The following MRPL39 variants were observed in gnomAD, a reference collection of about 807,000 sequenced individuals.
The protein encoded by MRPL39 is mitochondrial ribosomal protein L39.
Under a neutral mutation model 44.5 loss-of-function variants are expected in MRPL39, and 35 were observed. That is an observed-to-expected ratio of 0.79 (90% confidence interval 0.60 to 1.04). MRPL39 has a LOEUF of 1.04. MRPL39 is among the 50% of genes least tolerant of loss of function. The probability of loss-of-function intolerance (pLI) is 0.00; values close to 1 mark genes in which losing one functional copy is unlikely to be tolerated. For missense variants in MRPL39, 433 were observed against 413.5 expected (o/e 1.05, Z -0.41); for synonymous variants, 139 against 136.1 (o/e 1.02, Z -0.15).
chr21:25,606,507 G>C lies in MRPL39; in HGVS notation c.222C>G (p.Asp74Glu), dbSNP rs777753931. The change falls in exon 2 of 10, where the codon GAC becomes GAG. Residue 74 changes from aspartate (D) to glutamate (E), a missense_variant. By Grantham distance (45) the Asp-to-Glu change is conservative (BLOSUM62 2). Transcript: ENST00000352957. Reference sequence around the variant, plus strand: ...TATTCATCACGAAGACAGTACCGGGGTCAGTTTTCCCAACATGCTTAACTT... The same window carrying C: ...TATTCATCACGAAGACAGTACCGGGCTCAGTTTTCCCAACATGCTTAACTT... ...KIEVKHVGKTDPGTVFVMNKN... is the reference protein window; with the variant it reads ...KIEVKHVGKTEPGTVFVMNKN... 1 of 1,614,032 alleles carries C rather than the reference G, an allele frequency of 6.2e-7. No individual in the cohort carries two copies. The highest frequency in any genetic ancestry group is 1.1e-5 in the South Asian group (1 of 91,048).
intron 6 of MRPL39, among the ~76,000 whole-genome samples, chr21:25,595,142 TA>T (rs1237882288): frequency 6.6e-6 from 1 of 152,242 alleles, no homozygotes; most frequent in African/African-American, 2.4e-5. Context: ...CTCAGGGTGC[TA>T]AACAAGTAAT....
chr21:25,606,716 G>A, intron 1 of MRPL39, 61 bp from the exon 2 acceptor site: 3 of 1,341,370 alleles, frequency 2.2e-6, no homozygotes, highest in Non-Finnish European at 3.1e-6. Flanking sequence ...TGCCAAAAGT[G>A]CGCTCAGAGG....
intron 9 of MRPL39, chr21:25,587,687 T>G: frequency 6.4e-7 from 1 of 1,562,394 alleles, no homozygotes; most frequent in Non-Finnish European, 8.8e-7. Flanking sequence ...GAATAATTAT[T>G]TGTTAGAGAT....
rs2031710133 is a variant in MRPL39 at position 25,607,276 on chromosome 21, G to C, written c.73+127C>G. On this transcript the variant is annotated intron_variant, in intron 1 of 9. Coordinates refer to ENST00000352957, the MANE Select transcript of MRPL39 (RefSeq NM_017446.4). ...CAAGCTGTGCAAGAGCGACCGCCGC[G>C]GAGGGACTAAGAAACCCTCCTCCTT... is the stretch of plus-strand genomic sequence containing the variant. 3 of 998,126 alleles carry C rather than the reference G, an allele frequency of 3.0e-6. No homozygotes were observed. The Admixed American group carries it at 6.5e-5, about 22-fold the overall frequency. 61.8% of individuals were successfully genotyped at this position (998,126 alleles called of 1,614,324 possible). A position where few individuals can be genotyped will look rare whatever the true frequency, so the allele number is the denominator to read the frequency against.
At chr21:25,592,693 T>C (rs1029326323) in intron 8 of MRPL39, 119 bp downstream of exon 8, 1 of 696,286 alleles carries the variant, frequency 1.4e-6, no homozygotes, top group Non-Finnish European at 2.1e-6. Flanking sequence ...TTATAAAATA[T>C]TAGTGTCACA....
intron 9 of MRPL39, among the ~76,000 whole-genome samples, 164 bp from the exon 10 acceptor site, chr21:25,585,918 A>G (rs1487627600): frequency 1.3e-5 from 2 of 152,206 alleles, no homozygotes; most frequent in Non-Finnish European, 2.9e-5. Flanking sequence ...AAGGCCAAGT[A>G]ACCAATATAA....
At chr21:25,603,333 C>T (rs1227662356) in intron 3 of MRPL39, among the ~76,000 whole-genome samples, 1 of 152,014 alleles carries the variant, frequency 6.6e-6, no homozygotes, top group African/African-American at 2.4e-5. Context: ...TAGGCAAGTT[C>T]TTTAGGTTTA....
At chr21:25,600,395 T>A (rs1271158220) in intron 4 of MRPL39, among the ~76,000 whole-genome samples, 2 of 78,572 alleles carry the variant, frequency 2.5e-5, no homozygotes, top group Non-Finnish European at 4.8e-5. Flanking sequence ...GACTCCGTCT[T>A]AAAAAAAAAA....
chr21:25,585,782 C>T (rs755603521), intron 9 of MRPL39, 28 bp from the exon 10 acceptor site: 2 of 1,524,612 alleles, frequency 1.3e-6, no homozygotes. Flanking sequence ...GCTTTACTTT[C>T]CTAATAAACA....
At chr21:25,603,660 G>A (rs2031582982) in intron 3 of MRPL39, 136 bp downstream of exon 3, 1 of 918,104 alleles carries the variant, frequency 1.1e-6, no homozygotes, top group Non-Finnish European at 1.6e-6. Context: ...AATCTAACAG[G>A]TAAAACATTG....
upstream of MRPL39, chr21:25,607,546 G>A (rs1473505709): frequency 6.6e-7 from 1 of 1,505,838 alleles, no homozygotes; most frequent in African/African-American, 1.4e-5. Context: ...CGCGCACTCG[G>A]AGTTCCGCAG....
intron 8 of MRPL39, among the ~76,000 whole-genome samples, chr21:25,590,416 A>C (rs2031139272): frequency 6.6e-6 from 1 of 151,974 alleles, no homozygotes; most frequent in Admixed American, 6.5e-5. Context: ...AAACCTCATA[A>C]TGTTTTAAGA....
intron 2 of MRPL39, 143 bp downstream of exon 2, chr21:25,606,306 G>A: frequency 1.5e-6 from 1 of 650,038 alleles, no homozygotes; most frequent in Non-Finnish European, 2.5e-6. Flanking sequence ...TCACCATGCA[G>A]GTCTCAAGAA....
chr21:25,605,039 C>T (rs951877679), intron 2 of MRPL39, among the ~76,000 whole-genome samples: 2 of 152,130 alleles, frequency 1.3e-5, no homozygotes, highest in African/African-American at 4.8e-5. Context: ...TACTTGAAAA[C>T]CAAATGAGTA....
chr21:25,603,303 G>A (rs1289765567), intron 3 of MRPL39, among the ~76,000 whole-genome samples: 1 of 152,166 alleles, frequency 6.6e-6, no homozygotes, highest in Non-Finnish European at 1.5e-5. Context: ...GGCCTGGAAA[G>A]CTATGTGAAT....
intron 8 of MRPL39, among the ~76,000 whole-genome samples, chr21:25,589,642 T>A (rs1053544850): frequency 6.6e-6 from 1 of 152,160 alleles, no homozygotes; most frequent in Non-Finnish European, 1.5e-5. Flanking sequence ...GCAAAGTGTA[T>A]CATGACCACA....
At chr21:25,605,219 T>A (rs2031628028) in intron 2 of MRPL39, among the ~76,000 whole-genome samples, 1 of 152,240 alleles carries the variant, frequency 6.6e-6, no homozygotes, top group Admixed American at 6.5e-5. Context: ...TGTATCTGTT[T>A]TGGGGCTTCT....
At position 25,607,418 on chromosome 21, in the gene MRPL39, C is replaced by A; in HGVS notation, c.58G>T (p.Gly20Cys). The change falls in exon 1 of 10, where the codon GGC (glycine) becomes TGC (cysteine). Residue 20 changes from glycine (G) to cysteine (C), a missense_variant. By Grantham distance (159) the Gly-to-Cys change is radical. Coordinates refer to ENST00000352957, the MANE Select transcript of MRPL39 (RefSeq NM_017446.4). ...ALRLWLVAPGGGIKWRFIATS... is the reference protein window; with the variant it reads ...ALRLWLVAPGCGIKWRFIATS... ...TGAAACTCACTCCATTTGATCCCGC[C>A]ACCGGGTGCGACCAGCCAGAGCCGC... is the stretch of plus-strand genomic sequence containing the variant. 6.2e-7 allele frequency: 1 copy of A among 1,613,722 alleles called. No individual in the cohort carries two copies. The highest frequency in any genetic ancestry group is 8.5e-7 in the Non-Finnish European group (1 of 1,179,984).
chr21:25,598,056 C>G (rs1396529416), intron 5 of MRPL39, among the ~76,000 whole-genome samples: 1 of 151,866 alleles, frequency 6.6e-6, no homozygotes, highest in Non-Finnish European at 1.5e-5. Context: ...CAGAAAAAAC[C>G]AAGCACTATT....
Sources: gnomAD v4.1 joint callset for allele counts (sites outside exome capture counted in the v4.1 genomes callset) on GRCh38, gnomAD v4.1.1 for gene constraint, MANE v1.5 for transcripts, NCBI Gene and HGNC (gene_info 2026-07-23, HGNC 2026-07-21) for gene names.